PLD5: variants seen among roughly 807,000 people sequenced by gnomAD.
PLD5 encodes phospholipase D family member 5.
PLD5 carries 36 observed loss-of-function variants against 61.1 expected under a neutral mutation model. That is an observed-to-expected ratio of 0.59 (90% CI 0.45 to 0.78). PLD5 has a LOEUF of 0.78. PLD5 is among the 30% of genes least tolerant of loss of function. PLD5 has a pLI of 0.00. For missense variants in PLD5, 515 were observed against 644.4 expected (o/e 0.80, Z 2.17); for synonymous variants, 243 against 242.8 (o/e 1.00, Z -0.01).
At chr1:242,366,536 T>G (rs948915796) in intron 1 of PLD5, among the ~76,000 whole-genome samples, 3 of 152,208 alleles carry the variant, frequency 2.0e-5, no homozygotes, top group South Asian at 2.1e-4. Flanking sequence ...GTATTTAGAT[T>G]GGTGCAAAAG....
chr1:242,155,145 T>C (rs556341573), intron 5 of PLD5, among the ~76,000 whole-genome samples: 1 of 152,196 alleles, frequency 6.6e-6, no homozygotes, highest in Non-Finnish European at 1.5e-5. Flanking sequence ...TAGAGCTGTT[T>C]ATAGTATTCT....
At position 242,087,507 on chromosome 1, in the gene PLD5, C is replaced by T. The variant is rs1343279715; in HGVS notation, c.*2347G>A. 10 of 151,688 alleles carry T rather than the reference C, an allele frequency of 6.6e-5. No homozygotes were observed. The highest frequency in any genetic ancestry group is 2.4e-4 in the African/African-American group (10 of 41,272). The allele number at this position is 151,688 out of a possible 1,614,324, so 9.4% of individuals were successfully genotyped here. ...TTAGTTTATTTGGTTTTTTTTTCTC[C>T]CTTTAGATGTCCTTTTTAAAACCAA... On this transcript the variant is annotated 3_prime_UTR_variant, in exon 10 of 10. Coordinates refer to ENST00000536534, the MANE Select transcript of PLD5 (RefSeq NM_001372062.1).
chr1:242,428,184 T>G (rs1572132145), intron 1 of PLD5, among the ~76,000 whole-genome samples: 4 of 152,286 alleles, frequency 2.6e-5, no homozygotes, highest in Admixed American at 2.6e-4. Flanking sequence ...AACAACTATT[T>G]TAGACTCTTT....
intron 2 of PLD5, among the ~76,000 whole-genome samples, chr1:242,296,644 G>A (rs1675674879): frequency 6.6e-6 from 1 of 152,180 alleles, no homozygotes; most frequent in African/African-American, 2.4e-5. Context: ...TTGGATCAGA[G>A]TGAATTTACT....
At chr1:242,270,562 C>T (rs1381644142) in intron 3 of PLD5, among the ~76,000 whole-genome samples, 5 of 152,196 alleles carry the variant, frequency 3.3e-5, no homozygotes, top group Non-Finnish European at 7.3e-5. Context: ...CCAGTCTCTC[C>T]CACTCTTTCC....
intron 1 of PLD5, among the ~76,000 whole-genome samples, chr1:242,454,139 G>GA (rs1558579470): frequency 2.3e-4 from 35 of 152,206 alleles, no homozygotes; most frequent in African/African-American, 8.2e-4. Flanking sequence ...AGACCAGCCT[G>GA]GTCAGCATGG....
intron 5 of PLD5, among the ~76,000 whole-genome samples, chr1:242,140,344 G>A (rs1664068337): frequency 6.6e-6 from 1 of 152,200 alleles, no homozygotes; most frequent in Admixed American, 6.5e-5. Flanking sequence ...ACCTTGCTAT[G>A]TAAGGGATAC....
At chr1:242,337,444 A>G (rs1318805207) in intron 2 of PLD5, among the ~76,000 whole-genome samples, 1 of 151,990 alleles carries the variant, frequency 6.6e-6, no homozygotes, top group Non-Finnish European at 1.5e-5. Flanking sequence ...CAGCCTGGCC[A>G]ACGTGGTGAA....
intron 1 of PLD5, among the ~76,000 whole-genome samples, chr1:242,395,063 A>ATATATG: frequency 2.1e-5 from 1 of 48,036 alleles, no homozygotes; most frequent in African/African-American, 1.1e-4. Context: ...ATATATATGT[A>ATATATG]TATATATGAA....
intron 5 of PLD5, chr1:242,209,420 C>G (rs967503608): frequency 6.6e-6 from 1 of 152,196 alleles, no homozygotes; most frequent in African/African-American, 2.4e-5. Context: ...GCAACTCTGC[C>G]TCAAACAAGT....
chr1:242,221,652 G>A (rs556503866), intron 4 of PLD5, among the ~76,000 whole-genome samples: 4 of 152,034 alleles, frequency 2.6e-5, no homozygotes, highest in Non-Finnish European at 4.4e-5. Context: ...TCCAAGTGGC[G>A]GGCACATGTT....
intron 4 of PLD5, among the ~76,000 whole-genome samples, chr1:242,249,062 G>A (rs1190782363): frequency 6.6e-6 from 1 of 152,150 alleles, no homozygotes; most frequent in African/African-American, 2.4e-5. Context: ...GTCGCAGTGG[G>A]CCAAGATGGC....
chr1:242,120,464 C>T (rs1662279264), intron 6 of PLD5, among the ~76,000 whole-genome samples: 2 of 151,970 alleles, frequency 1.3e-5, no homozygotes. Context: ...GAATTGTATA[C>T]TTTAAAAGGG....
At chr1:242,252,354 A>T (rs1384827854) in intron 4 of PLD5, among the ~76,000 whole-genome samples, 1 of 152,188 alleles carries the variant, frequency 6.6e-6, no homozygotes, top group Non-Finnish European at 1.5e-5. Context: ...TTACTCACTC[A>T]TGAGGATAAT....
chr1:242,336,455 T>G (rs1343248455), intron 2 of PLD5, among the ~76,000 whole-genome samples: 2 of 152,182 alleles, frequency 1.3e-5, no homozygotes, highest in East Asian at 3.9e-4. Flanking sequence ...TTATATCATA[T>G]TCATACAATG....
At position 242,289,016 on chromosome 1, in the gene PLD5, A is replaced by G. The variant is rs1574672402; in HGVS notation, c.327-486T>C. ...ATAAATGCAGTAATTATTGCTGAGCATCTACTGATGCTTCCTAGCCTATGG... is the reference window on the plus strand; with the variant it reads ...ATAAATGCAGTAATTATTGCTGAGCGTCTACTGATGCTTCCTAGCCTATGG... On this transcript the variant is annotated intron_variant, in intron 2 of 9. Transcript: ENST00000536534. 2.6e-5 allele frequency among the ~76,000 whole-genome samples: 4 copies of G among 152,320 alleles called. No individual in the cohort carries two copies. The South Asian group carries it at 8.3e-4, about 32-fold the overall frequency.
intron 1 of PLD5, among the ~76,000 whole-genome samples, chr1:242,392,724 CT>C (rs1299807610): frequency 4.6e-5 from 7 of 152,102 alleles, no homozygotes; most frequent in Non-Finnish European, 4.4e-5. Context: ...GGCCAGAAGC[CT>C]TCAGTGGGTG....
At chr1:242,316,964 A>G (rs927715801) in intron 2 of PLD5, among the ~76,000 whole-genome samples, 3 of 151,538 alleles carry the variant, frequency 2.0e-5, no homozygotes, top group African/African-American at 7.3e-5. Context: ...TTATGGCTGT[A>G]TAGTATTCCA....
At chr1:242,157,790 G>C (rs768008467) in intron 5 of PLD5, among the ~76,000 whole-genome samples, 7 of 152,146 alleles carry the variant, frequency 4.6e-5, no homozygotes, top group Non-Finnish European at 8.8e-5. Flanking sequence ...GATACATGGC[G>C]GTCAGGGACC....
Sources: gnomAD v4.1 joint callset for allele counts (sites outside exome capture counted in the v4.1 genomes callset) on GRCh38, gnomAD v4.1.1 for gene constraint, MANE v1.5 for transcripts, NCBI Gene and HGNC (gene_info 2026-07-23, HGNC 2026-07-21) for gene names.